The following REEP1 variants were observed in gnomAD, a reference collection of about 807,000 sequenced individuals.
The protein encoded by REEP1 is receptor accessory protein 1.
REEP1 carries 22 observed loss-of-function variants against 40.3 expected under a neutral mutation model. That is an observed-to-expected ratio of 0.55 (90% CI 0.39 to 0.78). The LOEUF (loss-of-function observed/expected upper bound fraction) is 0.78. Among genes scored for constraint, REEP1 ranks in the 30% least tolerant of loss-of-function variants. The pLI is 0.00. For missense variants in REEP1, 280 were observed against 361.1 expected (o/e 0.78, Z 1.82); for synonymous variants, 116 against 139.2 (o/e 0.83, Z 1.17).
intron 1 of REEP1, among the ~76,000 whole-genome samples, chr2:86,323,732 T>C (rs950264957): frequency 6.6e-6 from 1 of 151,894 alleles, no homozygotes; most frequent in Non-Finnish European, 1.5e-5. Flanking sequence ...GAGAACAAGG[T>C]GGGGAACTTG....
intron 5 of REEP1, among the ~76,000 whole-genome samples, chr2:86,241,941 G>A (rs1277099614): frequency 1.3e-5 from 2 of 152,170 alleles, no homozygotes; most frequent in African/African-American, 2.4e-5. Context: ...CAGCACATGC[G>A]AGGTGGGCCA....
intron 1 of REEP1, among the ~76,000 whole-genome samples, chr2:86,285,345 C>T (rs1678331528): frequency 6.6e-6 from 1 of 152,166 alleles, no homozygotes; most frequent in African/African-American, 2.4e-5. Flanking sequence ...GGTTACTGCC[C>T]CCTCAGTTTT....
rs185167533 is a variant in REEP1, at chr2:86,324,039, A to G, written c.32+13440T>C. On this transcript the variant is annotated intron_variant, in intron 1 of 8. Transcript: ENST00000538924. The stretch of plus-strand genomic sequence containing the variant: ...AAATCAACTCAAGGTAGAGTAAGAA[A>G]TTAAATGTGAACAGAAAAACTAGAA... 1.5e-3 allele frequency among the ~76,000 whole-genome samples: 232 copies of G among 152,322 alleles called. 5 individuals carry two copies. The highest frequency in any genetic ancestry group is 0.012 in the Admixed American group (176 of 15,304).
intron 1 of REEP1, among the ~76,000 whole-genome samples, chr2:86,328,275 G>A (rs754867886): frequency 7.2e-5 from 11 of 152,214 alleles, no homozygotes; most frequent in Non-Finnish European, 1.2e-4. Context: ...TCTGAGCAGC[G>A]TGACCCACTC....
chr2:86,223,291 G>A (rs1674521424), intron 7 of REEP1, among the ~76,000 whole-genome samples: 1 of 152,226 alleles, frequency 6.6e-6, no homozygotes, highest in South Asian at 2.1e-4. Flanking sequence ...GGGAAGGGAG[G>A]GAGGGAGAAA....
chr2:86,216,924 G>T lies in REEP1; in HGVS notation c.*115C>A. 3 of 793,630 alleles carry T rather than the reference G, an allele frequency of 3.8e-6. No individual in the cohort carries two copies. Among genetic ancestry groups the T allele is most frequent in the Non-Finnish European group, 4.3e-6 (2 of 468,690 alleles). 49.2% of individuals were successfully genotyped at this position (793,630 alleles called of 1,614,324 possible). ...AGGGGAGAGAGAAAAGGCCATGTTT[G>T]TGAGGCTGCACACTCAAAGCACACC... On this transcript the variant is annotated 3_prime_UTR_variant, in exon 9 of 9. Transcript: ENST00000538924.
intron 1 of REEP1, among the ~76,000 whole-genome samples, chr2:86,318,558 C>T (rs571301367): frequency 3.6e-4 from 55 of 151,974 alleles, no homozygotes; most frequent in African/African-American, 1.2e-3. Flanking sequence ...CCACCAATCC[C>T]GGCTAATTTT....
intron 1 of REEP1, among the ~76,000 whole-genome samples, chr2:86,298,261 C>T (rs1414660491): frequency 6.6e-6 from 1 of 152,156 alleles, no homozygotes; most frequent in South Asian, 2.1e-4. Context: ...AGGATGATAG[C>T]ACCAGGTCCC....
At chr2:86,283,326 G>T (rs1678200536) in intron 1 of REEP1, among the ~76,000 whole-genome samples, 1 of 152,156 alleles carries the variant, frequency 6.6e-6, no homozygotes, top group South Asian at 2.1e-4. Context: ...CTTTTCACCT[G>T]ACAGATGAGG....
chr2:86,246,675 TTTTC>T (rs922764387), intron 5 of REEP1, among the ~76,000 whole-genome samples: 1 of 151,082 alleles, frequency 6.6e-6, no homozygotes, highest in African/African-American at 2.4e-5. Flanking sequence ...TATGGTTTCT[TTTTC>T]TTTCTCTCTT....
intron 1 of REEP1, among the ~76,000 whole-genome samples, chr2:86,318,109 T>C (rs1412555670): frequency 1.3e-5 from 2 of 152,212 alleles, no homozygotes; most frequent in African/African-American, 4.8e-5. Context: ...AAATCAACAG[T>C]GATATTAATG....
chr2:86,216,774 A>G lies in REEP1; in HGVS notation c.*265T>C, dbSNP rs938334114. On this transcript the variant is annotated 3_prime_UTR_variant, in exon 9 of 9. Transcript: ENST00000538924. ...CACTGCTGTCTATAATGACAATCCA[A>G]TTGTGGAAAATTACCAACCTCAGAA... 7 of 450,666 alleles carry G rather than the reference A, an allele frequency of 1.6e-5. No individual in the cohort carries two copies. Among genetic ancestry groups the G allele is most frequent in the African/African-American group, 1.2e-4 (6 of 50,902 alleles). 27.9% of individuals were successfully genotyped at this position (450,666 alleles called of 1,614,324 possible).
chr2:86,337,466 G>C lies in REEP1; in HGVS notation c.32+13C>G, dbSNP rs1276114364. On this transcript the variant is annotated intron_variant, in intron 1 of 8. Transcript: ENST00000538924. The surrounding 1 kb of genome is among the most constrained non-coding windows in gnomAD (Gnocchi z 5.8). ...GGAGGGGACGGAGGGGCGCGGGGGA[G>C]AAGGCCACTTACACCACCAGCCTGG... is the stretch of plus-strand genomic sequence containing the variant. 3 of 1,279,334 alleles carry C rather than the reference G, an allele frequency of 2.3e-6. No individual in the cohort carries two copies. The African/African-American group carries it at 4.7e-5, about 20-fold the overall frequency. 79.2% of individuals were successfully genotyped at this position (1,279,334 alleles called of 1,614,324 possible). A position where few individuals can be genotyped will look rare whatever the true frequency, so the allele number is the denominator to read the frequency against.
rs1227808542 is a variant in REEP1, at chr2:86,226,111, C to CCAT, written c.631+1251_631+1252insATG. On this transcript the variant is annotated intron_variant, in intron 7 of 8. Transcript: ENST00000538924. ...ACCACCACCACCACCACCACCACCA[C>CCAT]CACCATCATCACCACCACCACCACC... Among the ~76,000 whole-genome samples the CCAT allele has an allele frequency of 1.2e-3, 169 of 141,112 alleles. 1 individual carries two copies. Among genetic ancestry groups the CCAT allele is most frequent in the African/African-American group, 3.9e-3 (151 of 38,486 alleles). The allele number at this position is 141,112 out of a possible 152,430, so 92.6% of individuals were successfully genotyped here. A position where few individuals can be genotyped will look rare whatever the true frequency, so the allele number is the denominator to read the frequency against.
intron 1 of REEP1, among the ~76,000 whole-genome samples, chr2:86,313,295 CTTTTCTTT>C (rs1679849014): frequency 7.4e-6 from 1 of 135,122 alleles, no homozygotes; most frequent in South Asian, 2.4e-4. Context: ...TTTTTCTTTT[CTTTTCTTT>C]TTTTTTTTTT....
intron 1 of REEP1, among the ~76,000 whole-genome samples, chr2:86,322,979 G>A (rs1558936868): frequency 6.6e-6 from 1 of 152,108 alleles, no homozygotes; most frequent in Non-Finnish European, 1.5e-5. Flanking sequence ...TTAAGGTCAG[G>A]AGTTCAAGAC....
intron 1 of REEP1, among the ~76,000 whole-genome samples, chr2:86,322,137 T>C (rs1680296296): frequency 6.6e-6 from 1 of 152,110 alleles, no homozygotes. Context: ...ATCTAACAAA[T>C]GATGTGTATG....
chr2:86,222,120 C>T (rs997265921), intron 7 of REEP1, among the ~76,000 whole-genome samples: 5 of 152,188 alleles, frequency 3.3e-5, no homozygotes, highest in African/African-American at 1.2e-4. Context: ...GCTAGTTATC[C>T]AGTCTGGATT....
In REEP1 at chr2:86,282,237, A is replaced by G; in HGVS notation, c.38T>C (p.Ile13Thr). 6.2e-7 allele frequency: 1 copy of G among 1,603,854 alleles called. No homozygotes were observed. Among genetic ancestry groups the G allele is most frequent in the Non-Finnish European group, 8.5e-7 (1 of 1,170,690 alleles). The change falls in exon 2 of 9, where the codon ATA (isoleucine) becomes ACA (threonine). Residue 13 changes from isoleucine to threonine, a missense_variant. This residue lies in a region of REEP1 where 68 missense variants were observed against 83.7 expected (regional missense o/e 0.81). Coordinates refer to ENST00000538924, the MANE Select transcript of REEP1 (RefSeq NM_001371279.1). ...ATACGCAGGGTAAAGGGTGCCAAATATAAGCCTGGAGGGAAGAGAGACAAA... is the reference window on the plus strand; with the variant it reads ...ATACGCAGGGTAAAGGGTGCCAAATGTAAGCCTGGAGGGAAGAGAGACAAA... ...SWIISRLVVLIFGTLYPAYYS... is the reference protein window; with the variant it reads ...SWIISRLVVLTFGTLYPAYYS...
Sources: gnomAD v4.1 joint callset for allele counts (sites outside exome capture counted in the v4.1 genomes callset) on GRCh38, gnomAD v4.1.1 for gene constraint, gnomAD v4.1.1 regional missense constraint, Gnocchi (gnomAD v3.1) non-coding constraint, MANE v1.5 for transcripts, NCBI Gene and HGNC (gene_info 2026-07-23, HGNC 2026-07-21) for gene names.